NMU: variants seen among roughly 807,000 people sequenced by gnomAD.
NMU encodes the protein neuromedin U, also known as neuromedin-U.
Under a neutral mutation model 35.4 loss-of-function variants are expected in NMU, and 29 were observed. The observed-to-expected ratio is 0.82, with a 90% CI of 0.61 to 1.12. The LOEUF (loss-of-function observed/expected upper bound fraction) is 1.12. Among genes scored for constraint, NMU ranks in the 50% most tolerant of loss-of-function variants. NMU has a pLI of 0.00. For missense variants in NMU, 199 were observed against 206.2 expected (o/e 0.97, Z 0.21); for synonymous variants, 78 against 81.3 (o/e 0.96, Z 0.22).
At chr4:55,629,271 C>CT (rs200107051) in intron 2 of NMU, among the ~76,000 whole-genome samples, 24 of 149,092 alleles carry the variant, frequency 1.6e-4, no homozygotes, top group Admixed American at 4.0e-4. Flanking sequence ...ATAGTTCTGT[C>CT]TTTTTTTTTT....
At chr4:55,633,723 T>G (rs1358681871) in intron 1 of NMU, among the ~76,000 whole-genome samples, 2 of 152,364 alleles carry the variant, frequency 1.3e-5, no homozygotes, top group South Asian at 2.1e-4. Context: ...CTTTTCTCAT[T>G]GTGAGTATGT....
chr4:55,632,894 C>T (rs1715682669), intron 1 of NMU, among the ~76,000 whole-genome samples: 1 of 151,450 alleles, frequency 6.6e-6, no homozygotes, highest in African/African-American at 2.4e-5. Flanking sequence ...CTAACTTAGC[C>T]CCAGGCACTT....
chr4:55,603,808 A>G (rs759049270), intron 7 of NMU, among the ~76,000 whole-genome samples: 3 of 148,434 alleles, frequency 2.0e-5, no homozygotes, highest in Non-Finnish European at 4.5e-5. Flanking sequence ...GCTCCTCGGG[A>G]GGCTGAGGCA....
intron 4 of NMU, among the ~76,000 whole-genome samples, chr4:55,608,007 A>G (rs1331780652): frequency 6.6e-6 from 1 of 151,390 alleles, no homozygotes; most frequent in Admixed American, 6.6e-5. Context: ...TGTCTCTACT[A>G]AAAAAAATAC....
intron 7 of NMU, 97 bp downstream of exon 7, chr4:55,605,178 G>A: frequency 1.2e-6 from 1 of 850,330 alleles, no homozygotes; most frequent in Non-Finnish European, 2.1e-6. Flanking sequence ...GGCTTATCCT[G>A]AAGAGCAGCA....
rs1452861745 is a variant in NMU, at chr4:55,636,213, C to A, written c.-21G>T. 4 of 1,474,216 alleles carry A rather than the reference C, an allele frequency of 2.7e-6. No homozygotes were observed. In the Admixed American group the frequency reaches 7.0e-5, roughly 26 times the overall value. The allele number at this position is 1,474,216 out of a possible 1,614,324, so 91.3% of individuals were successfully genotyped here. A position where few individuals can be genotyped will look rare whatever the true frequency, so the allele number is the denominator to read the frequency against. ...AGCATCTCGGCGGCTGCGGGAGGCT[C>A]GGTGCTAGGGACGCTGCGCTGCGCC... On this transcript the variant is annotated 5_prime_UTR_variant, in exon 1 of 10. Transcript: ENST00000264218. The surrounding 1 kb of genome is among the most constrained non-coding windows in gnomAD (Gnocchi z 4.0).
At position 55,609,406 on chromosome 4, in the gene NMU, G is replaced by A. The variant is rs369666109; in HGVS notation, c.220-227C>T. 1.2e-3 allele frequency among the ~76,000 whole-genome samples: 183 copies of A among 150,824 alleles called. 5 individuals are homozygous for A. In the South Asian group the frequency reaches 0.037, roughly 31 times the overall value. On this transcript the variant is annotated intron_variant, in intron 3 of 9. Transcript: ENST00000264218. ...CCAGAAAAAAAAAAAAGGTAAGTAC[G>A]GTACATATGCACTCATGAAGGCTTC...
At chr4:55,628,555 G>A (rs1417664118) in intron 2 of NMU, among the ~76,000 whole-genome samples, 1 of 152,032 alleles carries the variant, frequency 6.6e-6, no homozygotes, top group African/African-American at 2.4e-5. Context: ...CTGGAGTGCA[G>A]TGGTGCCATC....
chr4:55,630,672 A>G (rs1229619401), intron 1 of NMU, among the ~76,000 whole-genome samples: 2 of 152,190 alleles, frequency 1.3e-5, no homozygotes, highest in South Asian at 4.1e-4. Context: ...TCAAGAACGA[A>G]TTACTTATGT....
At chr4:55,604,027 A>ATATACATGTGTATATATAC (rs1733567304) in intron 7 of NMU, among the ~76,000 whole-genome samples, 30 of 28,926 alleles carry the variant, frequency 1.0e-3, no homozygotes, top group Admixed American at 1.8e-3. Flanking sequence ...GTATATATAT[A>ATATACATGTGTATATATAC]ATCCTAGAAA....
At chr4:55,618,188 T>C (rs1734182626) in intron 2 of NMU, among the ~76,000 whole-genome samples, 2 of 152,238 alleles carry the variant, frequency 1.3e-5, no homozygotes, top group African/African-American at 4.8e-5. Context: ...TGGGTAGCTC[T>C]GTAATTATTA....
chr4:55,612,598 G>A (rs1296097646), intron 3 of NMU, among the ~76,000 whole-genome samples: 2 of 152,144 alleles, frequency 1.3e-5, no homozygotes, highest in Non-Finnish European at 2.9e-5. Context: ...TTTCAAAAAT[G>A]TATTTCAACT....
chr4:55,618,898 G>C (rs113287417), intron 2 of NMU, among the ~76,000 whole-genome samples: 3 of 40,982 alleles, frequency 7.3e-5, no homozygotes, highest in East Asian at 7.3e-4. Context: ...TTTTTTTTTT[G>C]TCTGGCTGTC....
intron 2 of NMU, among the ~76,000 whole-genome samples, chr4:55,618,858 CTCTCTCTTTCTTTCTT>C (rs1228445451): frequency 1.4e-5 from 2 of 145,450 alleles, no homozygotes; most frequent in African/African-American, 2.5e-5. Context: ...TCTTTCTTCT[CTCTCTCTTTCTTTCTT>C]TCTCTCTTTC....
chr4:55,630,607 T>C (rs965614193), intron 1 of NMU, 147 bp from the exon 2 acceptor site: 9 of 679,756 alleles, frequency 1.3e-5, no homozygotes, highest in African/African-American at 1.1e-4. Context: ...TTTGACTTAG[T>C]ACAAGGAGAC....
intron 2 of NMU, among the ~76,000 whole-genome samples, chr4:55,629,081 G>T (rs1046690544): frequency 6.6e-6 from 1 of 152,048 alleles, no homozygotes; most frequent in Non-Finnish European, 1.5e-5. Flanking sequence ...AAACAGAAGA[G>T]ATATTTGTTA....
intron 8 of NMU, among the ~76,000 whole-genome samples, chr4:55,599,924 A>ATT (rs756558620): frequency 6.6e-6 from 1 of 152,208 alleles, no homozygotes; most frequent in South Asian, 2.1e-4. Flanking sequence ...CCCTTGGTAC[A>ATT]TTGCTCAGCA....
upstream of NMU, chr4:55,636,412 C>A: frequency 1.6e-6 from 1 of 614,128 alleles, no homozygotes. The surrounding 1 kb of genome is among the most constrained non-coding windows in gnomAD (Gnocchi z 4.0). Flanking sequence ...TCGCCTCACC[C>A]CGCCCCGCTG....
At chr4:55,614,580 T>C (rs920279875) in intron 3 of NMU, among the ~76,000 whole-genome samples, 1 of 152,186 alleles carries the variant, frequency 6.6e-6, no homozygotes, top group Non-Finnish European at 1.5e-5. Flanking sequence ...TCACATGTAA[T>C]AAAACAATAA....
Sources: allele counts gnomAD v4.1 joint callset (sites outside exome capture counted in the v4.1 genomes callset), GRCh38; gene constraint gnomAD v4.1.1; non-coding constraint Gnocchi (gnomAD v3.1); transcripts MANE v1.5; gene names NCBI Gene and HGNC (gene_info 2026-07-23, HGNC 2026-07-21).